The following CHRM3 variants were observed in gnomAD, a reference collection of about 807,000 sequenced individuals.
CHRM3 encodes muscarinic acetylcholine receptor M3.
In CHRM3, 11 loss-of-function variants were observed where a neutral mutation model predicts 41.8. That is an observed-to-expected ratio of 0.26 (90% CI 0.17 to 0.44). CHRM3 has a LOEUF of 0.44. Ranked by LOEUF, CHRM3 falls within the 20% of genes least tolerant of loss-of-function variation. The pLI is 1.00. For missense variants in CHRM3, 571 were observed against 745.4 expected, an observed-to-expected ratio of 0.77 and a Z score of 2.72; for synonymous variants, 297 against 301.4, an observed-to-expected ratio of 0.99 and a Z score of 0.15.
chr1:239,655,929 G>A (rs1672670343), intron 4 of CHRM3, among the ~76,000 whole-genome samples: 1 of 152,166 alleles, frequency 6.6e-6, no homozygotes, highest in Non-Finnish European at 1.5e-5. Context: ...TGATGGATTA[G>A]ATAAATAAAA....
chr1:239,638,188 G>A (rs571012541), intron 4 of CHRM3, among the ~76,000 whole-genome samples: 144 of 150,594 alleles, frequency 9.6e-4, no homozygotes, highest in African/African-American at 3.4e-3. Flanking sequence ...TTGGTTCCAA[G>A]TCTTTGCTAT....
intron 3 of CHRM3, among the ~76,000 whole-genome samples, chr1:239,576,976 T>C (rs1662427963): frequency 6.6e-6 from 1 of 152,096 alleles, no homozygotes. Flanking sequence ...CTTCTCCATA[T>C]AAAAATATTT....
intron 3 of CHRM3, among the ~76,000 whole-genome samples, chr1:239,623,446 C>T (rs1181009079): frequency 6.8e-6 from 1 of 147,726 alleles, no homozygotes; most frequent in Non-Finnish European, 1.5e-5. Flanking sequence ...ATGAACTCAT[C>T]ATTTTTTATG....
At chr1:239,609,355 A>G (rs957036970) in intron 3 of CHRM3, among the ~76,000 whole-genome samples, 1 of 151,966 alleles carries the variant, frequency 6.6e-6, no homozygotes, top group African/African-American at 2.4e-5. Flanking sequence ...GCTTAGTACT[A>G]CTCCATTATG....
chr1:239,750,321 AC>A (rs1289433599), intron 5 of CHRM3, among the ~76,000 whole-genome samples: 4 of 152,210 alleles, frequency 2.6e-5, no homozygotes, highest in African/African-American at 7.2e-5. Context: ...ATGGAAAAAA[AC>A]ATTCAGGACC....
At chr1:239,749,356 GA>G (rs1572172527) in intron 5 of CHRM3, among the ~76,000 whole-genome samples, 1 of 152,138 alleles carries the variant, frequency 6.6e-6, no homozygotes, top group Admixed American at 6.5e-5. Flanking sequence ...CTTAAACTCT[GA>G]AGTGCTCTTG....
At chr1:239,796,480 CAT>C (rs1424689081) in intron 5 of CHRM3, among the ~76,000 whole-genome samples, 2 of 152,128 alleles carry the variant, frequency 1.3e-5, no homozygotes, top group African/African-American at 4.8e-5. Context: ...TCACCTGTCT[CAT>C]AAATAATGAA....
chr1:239,838,422 C>T (rs1558167479), intron 6 of CHRM3, among the ~76,000 whole-genome samples: 1 of 152,140 alleles, frequency 6.6e-6, no homozygotes, highest in Non-Finnish European at 1.5e-5. Flanking sequence ...GACAACTCTA[C>T]AATATATAGG....
chr1:239,636,514 A>G (rs1299483211), intron 4 of CHRM3, among the ~76,000 whole-genome samples: 2 of 152,214 alleles, frequency 1.3e-5, no homozygotes, highest in African/African-American at 4.8e-5. Flanking sequence ...ATTAAATGAT[A>G]TAGCCTCGTG....
chr1:239,408,216 A>G (rs1169324035), intron 1 of CHRM3: 2 of 152,050 alleles, frequency 1.3e-5, no homozygotes, highest in African/African-American at 4.8e-5. Context: ...CCGTGTGAGG[A>G]CAGACGTATT....
chr1:239,587,877 C>A (rs966993084), intron 3 of CHRM3, among the ~76,000 whole-genome samples: 2 of 152,150 alleles, frequency 1.3e-5, no homozygotes, highest in African/African-American at 4.8e-5. Flanking sequence ...CTTATTTAAC[C>A]AATCTGGTTT....
At chr1:239,438,340 G>A (rs116585687) in intron 1 of CHRM3, among the ~76,000 whole-genome samples, 1,924 of 152,126 alleles carry the variant, frequency 0.013, 49 homozygotes, top group African/African-American at 0.043. Context: ...AGCTAGCCCA[G>A]TGTTTGATTT....
At chr1:239,585,294 G>A (rs1291556218) in intron 3 of CHRM3, among the ~76,000 whole-genome samples, 1 of 152,084 alleles carries the variant, frequency 6.6e-6, no homozygotes, top group East Asian at 1.9e-4. Flanking sequence ...GTGCCTTCAT[G>A]GGAGTCACCC....
intron 3 of CHRM3, among the ~76,000 whole-genome samples, chr1:239,617,365 C>T (rs181738708): frequency 2.0e-4 from 31 of 152,276 alleles, no homozygotes; most frequent in African/African-American, 7.2e-4. Flanking sequence ...ACTCTAAACC[C>T]TATCATCTTA....
At chr1:239,422,163 C>T (rs1662004299) in intron 1 of CHRM3, among the ~76,000 whole-genome samples, 1 of 152,148 alleles carries the variant, frequency 6.6e-6, no homozygotes, top group Non-Finnish European at 1.5e-5. Context: ...CATGCAATAA[C>T]AGGCAGTAAT....
At chr1:239,544,434 C>T (rs1391826011) in intron 2 of CHRM3, among the ~76,000 whole-genome samples, 1 of 152,070 alleles carries the variant, frequency 6.6e-6, no homozygotes, top group Admixed American at 6.5e-5. Context: ...AAATAGAATT[C>T]GATCTCTAAA....
intron 5 of CHRM3, among the ~76,000 whole-genome samples, chr1:239,702,334 C>T (rs1298925222): frequency 6.6e-6 from 1 of 152,116 alleles, no homozygotes; most frequent in Non-Finnish European, 1.5e-5. Flanking sequence ...GGATTCAGTT[C>T]TGGCATTTAT....
At chr1:239,847,421 G>A (rs1486737471) in intron 6 of CHRM3, among the ~76,000 whole-genome samples, 1 of 152,106 alleles carries the variant, frequency 6.6e-6, no homozygotes, top group Non-Finnish European at 1.5e-5. Context: ...TATATTTGAT[G>A]TCGATACATT....
At chr1:239,581,995 T>C (rs995780041) in intron 3 of CHRM3, among the ~76,000 whole-genome samples, 2 of 152,254 alleles carry the variant, frequency 1.3e-5, no homozygotes, top group African/African-American at 4.8e-5. Context: ...AGAATACATG[T>C]AAATATCCAA....
Sources: gnomAD v4.1 joint callset for allele counts (sites outside exome capture counted in the v4.1 genomes callset) on GRCh38, gnomAD v4.1.1 for gene constraint, MANE v1.5 for transcripts, NCBI Gene and HGNC (gene_info 2026-07-23, HGNC 2026-07-21) for gene names.